The following CNPY4 variants were observed in gnomAD, a reference collection of about 807,000 sequenced individuals.
CNPY4 encodes canopy FGF signaling regulator 4.
CNPY4 carries 33 observed loss-of-function variants against 30.1 expected under a neutral mutation model. That is an observed-to-expected ratio of 1.10 (90% confidence interval 0.83 to 1.46). The LOEUF (loss-of-function observed/expected upper bound fraction) is 1.46. CNPY4 is among the 40% of genes most tolerant of loss of function. The probability of loss-of-function intolerance (pLI) is 0.00; values close to 1 mark genes in which losing one functional copy is unlikely to be tolerated. For synonymous variants in CNPY4, 109 were observed against 110.1 expected (o/e 0.99, Z 0.06); for missense variants, 324 against 302.6 (o/e 1.07, Z -0.52).
At chr7:100,122,145 C>A in intron 1 of CNPY4, 114 bp from the exon 2 acceptor site, 11 of 1,347,284 alleles carry the variant, frequency 8.2e-6, no homozygotes, top group Non-Finnish European at 1.0e-5. Flanking sequence ...CCAACCCAGC[C>A]AGTCTGGCTC....
rs949845047 is a variant in CNPY4 at position 100,120,234 on chromosome 7, C to G, written c.118+372C>G. ...GCAGGAGCCGGGTGTGAGGCTCAGG[C>G]CTTGTGGACATCCGCTGCCCTACCC... On this transcript the variant is annotated intron_variant, in intron 1 of 5. Coordinates refer to ENST00000262932, the MANE Select transcript of CNPY4 (RefSeq NM_152755.2). The G allele has an allele frequency of 1.8e-5, 3 of 167,668 alleles. No individual in the cohort carries two copies. In the South Asian group the frequency reaches 4.4e-4, roughly 25 times the overall value. 10.4% of individuals were successfully genotyped at this position (167,668 alleles called of 1,614,324 possible). A position where few individuals can be genotyped will look rare whatever the true frequency, so the allele number is the denominator to read the frequency against.
In CNPY4 at chr7:100,124,501, T is replaced by C. The variant is rs1415346412; in HGVS notation, c.466-13T>C. 1 of 1,594,600 alleles carries C rather than the reference T, an allele frequency of 6.3e-7. No homozygotes were observed. Among genetic ancestry groups the C allele is most frequent in the Non-Finnish European group, 8.6e-7 (1 of 1,163,732 alleles). On this transcript the variant is annotated splice_polypyrimidine_tract_variant and intron_variant, in intron 4 of 5. Coordinates refer to ENST00000262932, the MANE Select transcript of CNPY4 (RefSeq NM_152755.2). ...CCAGAGCAGATACTCTTCTGGCCCT[T>C]CTACTTGACCAGTGTGAGACCATGT...
In CNPY4 at chr7:100,125,434, C is replaced by T. The variant is rs1279176724; in HGVS notation, c.*546C>T. On this transcript the variant is annotated 3_prime_UTR_variant, in exon 6 of 6. Coordinates refer to ENST00000262932, the MANE Select transcript of CNPY4 (RefSeq NM_152755.2). ...TGGTCTACTTAAGCTCAATGTAACC[C>T]AGAGCCCACCATATAGTTTTATAGG... 1 of 153,002 alleles carries T rather than the reference C, an allele frequency of 6.5e-6. No individual in the cohort carries two copies. The highest frequency in any genetic ancestry group is 1.5e-5 in the Non-Finnish European group (1 of 68,668). 9.5% of individuals were successfully genotyped at this position (153,002 alleles called of 1,614,324 possible).
chr7:100,121,769 G>T (rs1002201203), intron 1 of CNPY4, among the ~76,000 whole-genome samples: 1 of 151,420 alleles, frequency 6.6e-6, no homozygotes, highest in Non-Finnish European at 1.5e-5. Context: ...TGAAGAAACC[G>T]GCCGGGCGTG....
chr7:100,121,998 C>G (rs563572264), intron 1 of CNPY4: 5 of 353,020 alleles, frequency 1.4e-5, no homozygotes, highest in Non-Finnish European at 2.6e-5. Flanking sequence ...GGCAGTGAGC[C>G]GAGACTGCGC....
intron 3 of CNPY4, 65 bp downstream of exon 3, chr7:100,122,642 C>T: frequency 6.6e-7 from 1 of 1,521,472 alleles, no homozygotes; most frequent in South Asian, 1.2e-5. Flanking sequence ...CCCTGAGGCC[C>T]TCCAGAGGTT....
At chr7:100,120,959 T>C (rs1180300587) in intron 1 of CNPY4, among the ~76,000 whole-genome samples, 1 of 151,796 alleles carries the variant, frequency 6.6e-6, no homozygotes. Context: ...AGGAGCTCAA[T>C]AAATAACTGC....
chr7:100,121,116 A>ATTTTTTTTTT lies in CNPY4; in HGVS notation c.119-1118_119-1109dup, dbSNP rs1163501525. 9.5e-5 allele frequency: 5 copies of ATTTTTTTTTT among 52,800 alleles called. 1 individual carries two copies. Among genetic ancestry groups the ATTTTTTTTTT allele is most frequent in the Non-Finnish European group, 1.3e-4 (4 of 31,442 alleles). The allele number at this position is 52,800 out of a possible 1,614,324, so 3.3% of individuals were successfully genotyped here. On this transcript the variant is annotated intron_variant, in intron 1 of 5. Coordinates refer to ENST00000262932, the MANE Select transcript of CNPY4 (RefSeq NM_152755.2). Reference sequence around the variant, plus strand: ...TATATATATATATATATATATATATATTTTTTTTTTTTTTTTTTTTTTTTT... The same window carrying ATTTTTTTTTT: ...TATATATATATATATATATATATATATTTTTTTTTTTTTTTTTTTTTTTTTTTTTTTTTTT...
At position 100,122,510 on chromosome 7, in the gene CNPY4, AT is replaced by A; in HGVS notation, c.278del (p.Leu93TyrfsTer18). The A allele has an allele frequency of 6.2e-7, 1 of 1,613,818 alleles. No individual in the cohort carries two copies. Among genetic ancestry groups the A allele is most frequent in the Non-Finnish European group, 8.5e-7 (1 of 1,179,954 alleles). Reference sequence around the variant, plus strand: ...ACAAGGCTGGAAGAGGCCTTAGAGAATTTATGTGAGCGGATCCTGGACTATA... The same window carrying A: ...ACAAGGCTGGAAGAGGCCTTAGAGAATTATGTGAGCGGATCCTGGACTATA... ...SETRLEEALE[N>X]LCERILDYSV... On this transcript the variant is annotated frameshift_variant, in exon 3 of 6. Transcript: ENST00000262932. LOFTEE classifies it high-confidence loss of function.
chr7:100,121,110 A>ATTTTTTTTTTTTTT (rs1798036782), intron 1 of CNPY4: 11 of 28,394 alleles, frequency 3.9e-4, no homozygotes, highest in Non-Finnish European at 5.5e-4. Flanking sequence ...ATATATATAT[A>ATTTTTTTTTTTTTT]TATATATTTT....
chr7:100,122,028 C>A (rs1017333919), intron 1 of CNPY4: 6 of 422,754 alleles, frequency 1.4e-5, no homozygotes, highest in African/African-American at 2.4e-5. Context: ...ACAGCCTGGG[C>A]GACAGAGCGA....
intron 1 of CNPY4, 152 bp from the exon 2 acceptor site, chr7:100,122,107 A>C: frequency 1.3e-6 from 1 of 797,364 alleles, no homozygotes; most frequent in Non-Finnish European, 1.9e-6. Context: ...AGATTGCCAC[A>C]CAGCTGCTAA....
chr7:100,123,569 G>A (rs899883108), intron 4 of CNPY4, among the ~76,000 whole-genome samples: 1 of 151,978 alleles, frequency 6.6e-6, no homozygotes, highest in African/African-American at 2.4e-5. Flanking sequence ...TGCCCAGGCT[G>A]GAGTGCACCG....
intron 1 of CNPY4, 135 bp from the exon 2 acceptor site, chr7:100,122,124 G>A: frequency 9.6e-7 from 1 of 1,041,872 alleles, no homozygotes; most frequent in Non-Finnish European, 1.4e-6. Context: ...CTAAATGGCT[G>A]AGCCAGGATT....
rs561769183 is a variant in CNPY4, at chr7:100,125,426, A to G, written c.*538A>G. 5.9e-5 allele frequency: 9 copies of G among 153,670 alleles called. No individual in the cohort carries two copies. Among genetic ancestry groups the G allele is most frequent in the South Asian group, 2.0e-4 (1 of 4,922 alleles). 9.5% of individuals were successfully genotyped at this position (153,670 alleles called of 1,614,324 possible). A position where few individuals can be genotyped will look rare whatever the true frequency, so the allele number is the denominator to read the frequency against. ...TAGATACTTGGTCTACTTAAGCTCA[A>G]TGTAACCCAGAGCCCACCATATAGT... is the stretch of plus-strand genomic sequence containing the variant. On this transcript the variant is annotated 3_prime_UTR_variant, in exon 6 of 6. Coordinates refer to ENST00000262932, the MANE Select transcript of CNPY4 (RefSeq NM_152755.2).
intron 1 of CNPY4, among the ~76,000 whole-genome samples, chr7:100,121,864 C>A (rs552630256): frequency 6.7e-6 from 1 of 149,104 alleles, no homozygotes; most frequent in South Asian, 2.1e-4. Context: ...TCCTGGCTAA[C>A]ACGGTGAAAC....
Position 100,122,776 on chromosome 7 carries a change from T to C in CNPY4, c.343-8T>C. The C allele has an allele frequency of 6.2e-7, 1 of 1,609,068 alleles. No homozygotes were observed. Among genetic ancestry groups the C allele is most frequent in the East Asian group, 2.2e-5 (1 of 44,780 alleles). ...AGCTGGGCTGATGCCAAATTCTTAA[T>C]CTCTCAGGGTCAGAGTCAGACCATG... On this transcript the variant is annotated splice_region_variant and splice_polypyrimidine_tract_variant and intron_variant, in intron 3 of 5. Transcript: ENST00000262932.
At chr7:100,120,677 G>C (rs1584584161) in intron 1 of CNPY4, among the ~76,000 whole-genome samples, 1 of 152,254 alleles carries the variant, frequency 6.6e-6, no homozygotes, top group East Asian at 1.9e-4. Context: ...TTTTTAAACA[G>C]ACTTAATCAC....
In CNPY4 at chr7:100,122,262, G is replaced by A; in HGVS notation, c.122G>A (p.Cys41Tyr). ...TERLPSKCEV[C>Y]KLLSTELQAE... The stretch of plus-strand genomic sequence containing the variant: ...GGACGTTTCTCCTCCCCACCAGTGT[G>A]TAAGCTGCTGAGCACAGAGCTACAG... Residue 41 changes from cysteine to tyrosine, a missense_variant, in exon 2 of 6, where the codon TGT (cysteine) becomes TAT (tyrosine). Cys to Tyr is a radical substitution (Grantham distance 194, BLOSUM62 -2). Coordinates refer to ENST00000262932, the MANE Select transcript of CNPY4 (RefSeq NM_152755.2). 2 of 1,613,368 alleles carry A rather than the reference G, an allele frequency of 1.2e-6. No individual in the cohort carries two copies. Among genetic ancestry groups the A allele is most frequent in the African/African-American group, 1.3e-5 (1 of 75,004 alleles).
Sources: allele counts gnomAD v4.1 joint callset (sites outside exome capture counted in the v4.1 genomes callset), GRCh38; gene constraint gnomAD v4.1.1; transcripts MANE v1.5; gene names NCBI Gene and HGNC (gene_info 2026-07-23, HGNC 2026-07-21).